The following CDK19 variants were observed in gnomAD, a reference collection of about 807,000 sequenced individuals.
The protein encoded by CDK19 is cyclin-dependent kinase 19.
In CDK19, 20 loss-of-function variants were observed where a neutral mutation model predicts 68.3. The observed-to-expected ratio is 0.29, with a 90% CI of 0.21 to 0.43. The LOEUF (loss-of-function observed/expected upper bound fraction) is 0.43, where lower values mean the gene tolerates loss of function less well. CDK19 is among the 20% of genes least tolerant of loss of function. The probability of loss-of-function intolerance (pLI) is 1.00; values close to 1 mark genes in which losing one functional copy is unlikely to be tolerated. For missense variants in CDK19, 339 were observed against 623.5 expected, an observed-to-expected ratio of 0.54 and a Z score of 4.86; for synonymous variants, 221 against 222.8, an observed-to-expected ratio of 0.99 and a Z score of 0.07.
chr6:110,779,793 A>C (rs1016384277), intron 1 of CDK19, among the ~76,000 whole-genome samples: 1 of 151,998 alleles, frequency 6.6e-6, no homozygotes, highest in Non-Finnish European at 1.5e-5. Flanking sequence ...ATTCTCAAGC[A>C]CTTAAAGGAG....
At chr6:110,671,800 C>A (rs1771032959) in intron 2 of CDK19, among the ~76,000 whole-genome samples, 1 of 151,486 alleles carries the variant, frequency 6.6e-6, no homozygotes, top group Admixed American at 6.6e-5. Flanking sequence ...TTTTTTTAGA[C>A]AGTGTCTTGC....
At chr6:110,635,701 A>C (rs899884657) in intron 5 of CDK19, among the ~76,000 whole-genome samples, 1 of 152,022 alleles carries the variant, frequency 6.6e-6, no homozygotes, top group Admixed American at 6.5e-5. Flanking sequence ...CACCACGCCC[A>C]GCTAATTTTT....
intron 1 of CDK19, among the ~76,000 whole-genome samples, chr6:110,804,951 G>A (rs1424473155): frequency 6.6e-6 from 1 of 150,632 alleles, no homozygotes; most frequent in Admixed American, 6.6e-5. Flanking sequence ...ACAAGACTTC[G>A]TCTCAAAACA....
chr6:110,670,417 G>A lies in CDK19; in HGVS notation c.315+14C>T. 1.4e-6 allele frequency: 2 copies of A among 1,396,240 alleles called. No individual in the cohort carries two copies. Among genetic ancestry groups the A allele is most frequent in the South Asian group, 2.3e-5 (2 of 86,432 alleles). The allele number at this position is 1,396,240 out of a possible 1,614,324, so 86.5% of individuals were successfully genotyped here. On this transcript the variant is annotated intron_variant, in intron 3 of 12. Coordinates refer to ENST00000368911, the MANE Select transcript of CDK19 (RefSeq NM_015076.5). ...TATAAAACAATCCTAGAAATACAGTGAGATTATACTTACCCACAAGTCATG... is the reference window on the plus strand; with the variant it reads ...TATAAAACAATCCTAGAAATACAGTAAGATTATACTTACCCACAAGTCATG...
intron 2 of CDK19, among the ~76,000 whole-genome samples, chr6:110,697,632 T>A (rs565465671): frequency 2.4e-4 from 37 of 151,642 alleles, no homozygotes; most frequent in South Asian, 1.2e-3. Context: ...AATACCGTCA[T>A]CATTCTTCAC....
chr6:110,691,242 A>G (rs1772958939), intron 2 of CDK19, among the ~76,000 whole-genome samples: 1 of 152,202 alleles, frequency 6.6e-6, no homozygotes, highest in South Asian at 2.1e-4. Flanking sequence ...TGGGAGGCCA[A>G]GGTGGGCAGA....
At chr6:110,682,767 G>A (rs1379035024) in intron 2 of CDK19, among the ~76,000 whole-genome samples, 2 of 152,176 alleles carry the variant, frequency 1.3e-5, no homozygotes, top group Non-Finnish European at 2.9e-5. Context: ...ACTAGCAGCA[G>A]TTAAGACATA....
intron 2 of CDK19, among the ~76,000 whole-genome samples, chr6:110,699,262 T>G (rs761928418): frequency 6.6e-6 from 1 of 151,724 alleles, no homozygotes; most frequent in Non-Finnish European, 1.5e-5. Context: ...CTGTCTCTAC[T>G]AAAAATACAA....
chr6:110,692,944 C>T (rs558244087), intron 2 of CDK19, among the ~76,000 whole-genome samples: 1 of 152,194 alleles, frequency 6.6e-6, no homozygotes, highest in Admixed American at 6.5e-5. Context: ...TTGCAATGAG[C>T]CAGGATCACG....
At chr6:110,654,778 T>C (rs1781195648) in intron 4 of CDK19, among the ~76,000 whole-genome samples, 1 of 151,912 alleles carries the variant, frequency 6.6e-6, no homozygotes, top group South Asian at 2.1e-4. Flanking sequence ...CCACCTCTAC[T>C]AAAAATACAA....
At chr6:110,643,056 G>C in intron 4 of CDK19, 1 of 427,624 alleles carries the variant, frequency 2.3e-6, no homozygotes, top group Non-Finnish European at 3.9e-6. Context: ...CAAGGACACT[G>C]AGCCTTGGGC....
chr6:110,778,017 G>A (rs902294661), intron 1 of CDK19, among the ~76,000 whole-genome samples: 10 of 152,122 alleles, frequency 6.6e-5, no homozygotes, highest in Admixed American at 3.3e-4. Context: ...TAGGTCCAGA[G>A]TTTCAGATTT....
chr6:110,693,367 T>C (rs897550457), intron 2 of CDK19, among the ~76,000 whole-genome samples: 7 of 152,224 alleles, frequency 4.6e-5, no homozygotes, highest in Non-Finnish European at 7.3e-5. Context: ...AGAGCCGAAC[T>C]GGATTTAGTG....
At position 110,807,839 on chromosome 6, in the gene CDK19, G is replaced by A. The variant is rs572372069; in HGVS notation, c.128+7170C>T. ...CTTTTTTTTTTTTTAAGAGAGTCTC[G>A]TTCTGCTGCCCATGCTGAAGTGCAA... On this transcript the variant is annotated intron_variant, in intron 1 of 12. Transcript: ENST00000368911. Among the ~76,000 whole-genome samples, 58 of 145,782 alleles carry A rather than the reference G, an allele frequency of 4.0e-4. No individual in the cohort carries two copies. The Middle Eastern group carries it at 0.011, about 27-fold the overall frequency.
chr6:110,804,648 G>A (rs2115126532), intron 1 of CDK19, among the ~76,000 whole-genome samples: 1 of 147,304 alleles, frequency 6.8e-6, no homozygotes, highest in South Asian at 2.3e-4. Flanking sequence ...ACCCCGCCAA[G>A]TTAAAGATAT....
intron 1 of CDK19, among the ~76,000 whole-genome samples, chr6:110,773,082 C>T (rs1295379192): frequency 6.8e-6 from 1 of 147,484 alleles, no homozygotes; most frequent in African/African-American, 2.5e-5. Flanking sequence ...TCTATAAAAA[C>T]ATATTTTACA....
Position 110,774,545 on chromosome 6 carries a change from C to T in CDK19, c.129-28344G>A, listed in dbSNP as rs139295327. Among the ~76,000 whole-genome samples, 1,129 of 152,254 alleles carry T rather than the reference C, an allele frequency of 7.4e-3. 17 individuals are homozygous for T. Among genetic ancestry groups the T allele is most frequent in the African/African-American group, 0.026 (1,095 of 41,538 alleles). ...CTCAAAATGGGTACAATTTGAAACACGAAATCTTTATTTCTGGAATTTTCC... is the reference window on the plus strand; with the variant it reads ...CTCAAAATGGGTACAATTTGAAACATGAAATCTTTATTTCTGGAATTTTCC... On this transcript the variant is annotated intron_variant, in intron 1 of 12. Coordinates refer to ENST00000368911, the MANE Select transcript of CDK19 (RefSeq NM_015076.5).
chr6:110,617,190 C>G (rs1020785602), intron 12 of CDK19, among the ~76,000 whole-genome samples: 6 of 152,144 alleles, frequency 3.9e-5, no homozygotes, highest in African/African-American at 1.4e-4. Context: ...CCCACTTCCC[C>G]AACACCAGCT....
intron 2 of CDK19, among the ~76,000 whole-genome samples, chr6:110,707,355 C>CA (rs1774597781): frequency 6.6e-6 from 1 of 151,070 alleles, no homozygotes; most frequent in South Asian, 2.1e-4. Context: ...CAAAACAAAA[C>CA]AAAAAAACTG....
Sources: allele counts gnomAD v4.1 joint callset (sites outside exome capture counted in the v4.1 genomes callset), GRCh38; gene constraint gnomAD v4.1.1; transcripts MANE v1.5; gene names NCBI Gene and HGNC (gene_info 2026-07-23, HGNC 2026-07-21).